SGCE: variants seen among roughly 807,000 people sequenced by gnomAD.
SGCE encodes sarcoglycan epsilon.
SGCE carries 26 observed loss-of-function variants against 57.8 expected under a neutral mutation model. The observed-to-expected ratio is 0.45, with a 90% CI of 0.33 to 0.62. SGCE has a LOEUF of 0.62. SGCE is among the 20% of genes least tolerant of loss of function. SGCE has a pLI of 0.02. For missense variants in SGCE, 468 were observed against 548.6 expected, an observed-to-expected ratio of 0.85 and a Z score of 1.47; for synonymous variants, 183 against 189.5, an observed-to-expected ratio of 0.97 and a Z score of 0.28.
Position 94,600,791 on chromosome 7 carries a change from C to T in SGCE, c.892G>A (p.Gly298Ser), listed in dbSNP as rs757835571. ...VIRGEGILPDGGEYKPPSDSL... is the reference protein window; with the variant it reads ...VIRGEGILPDSGEYKPPSDSL... ...TCAGAAGGGGGTTTGTATTCTCCAC[C>T]ATCAGGTAAAATCCCCTCTCCACGA... The change falls in exon 7 of 11, where the codon GGT (glycine) becomes AGT (serine). Residue 298 changes from glycine to serine, a missense_variant. Coordinates refer to ENST00000648936, the MANE Select transcript of SGCE (RefSeq NM_003919.3). The T allele has an allele frequency of 7.4e-6, 12 of 1,613,322 alleles. No homozygotes were observed. Among genetic ancestry groups the T allele is most frequent in the Middle Eastern group, 1.7e-4 (1 of 5,940 alleles).
At chr7:94,622,586 G>T (rs951019216) in intron 4 of SGCE, 1 of 150,556 alleles carries the variant, frequency 6.6e-6, no homozygotes, top group Non-Finnish European at 1.5e-5. Flanking sequence ...CCGAGATGGT[G>T]CCATTGCACT....
At chr7:94,655,322 C>A (rs769752849) in intron 1 of SGCE, among the ~76,000 whole-genome samples, 3 of 152,174 alleles carry the variant, frequency 2.0e-5, no homozygotes, top group Non-Finnish European at 4.4e-5. Flanking sequence ...GCACTCGGTA[C>A]GGCAGCATCT....
chr7:94,624,136 A>G lies in SGCE; in HGVS notation c.391-739T>C, dbSNP rs189624430. 1.3e-3 allele frequency: 497 copies of G among 395,634 alleles called. 2 individuals are homozygous for G. The highest frequency in any genetic ancestry group is 2.1e-4 in the Non-Finnish European group (47 of 225,014). 24.5% of individuals were successfully genotyped at this position (395,634 alleles called of 1,614,324 possible). The stretch of plus-strand genomic sequence containing the variant: ...TATTTAACTTTATAACAGATATTAA[A>G]TCATTCGGACACATCTGCAGTACCT... On this transcript the variant is annotated intron_variant, in intron 3 of 10. Coordinates refer to ENST00000648936, the MANE Select transcript of SGCE (RefSeq NM_003919.3).
Position 94,585,205 on chromosome 7 carries a change from A to C in SGCE, c.*294T>G. Reference sequence around the variant, plus strand: ...TAAATAGGAAGCAAATAGTTTACTGAAGTAAATTTCACCAGTCATTAGGCT... The same window carrying C: ...TAAATAGGAAGCAAATAGTTTACTGCAGTAAATTTCACCAGTCATTAGGCT... On this transcript the variant is annotated 3_prime_UTR_variant, in exon 11 of 11. Coordinates refer to ENST00000648936, the MANE Select transcript of SGCE (RefSeq NM_003919.3). 1 of 347,170 alleles carries C rather than the reference A, an allele frequency of 2.9e-6. No homozygotes were observed. The highest frequency in any genetic ancestry group is 5.2e-6 in the Non-Finnish European group (1 of 191,246). 21.5% of individuals were successfully genotyped at this position (347,170 alleles called of 1,614,324 possible).
chr7:94,586,172 C>G (rs1382204752), intron 10 of SGCE, among the ~76,000 whole-genome samples: 1 of 150,100 alleles, frequency 6.7e-6, no homozygotes. Context: ...GACGCAAACT[C>G]TTGTGCCTAA....
At chr7:94,641,159 G>A (rs1806328459) in intron 1 of SGCE, among the ~76,000 whole-genome samples, 1 of 152,174 alleles carries the variant, frequency 6.6e-6, no homozygotes, top group Non-Finnish European at 1.5e-5. Context: ...GAAGGAGAGT[G>A]TGATCAACAT....
chr7:94,612,417 C>T (rs1195377323), intron 5 of SGCE, among the ~76,000 whole-genome samples: 1 of 152,148 alleles, frequency 6.6e-6, no homozygotes, highest in Non-Finnish European at 1.5e-5. Context: ...GCAATAATCT[C>T]TAAAATATAA....
chr7:94,588,210 G>A (rs959582191), intron 10 of SGCE: 1 of 1,067,406 alleles, frequency 9.4e-7, no homozygotes, highest in African/African-American at 1.7e-5. Context: ...GTTGTCATTG[G>A]TCATGTTATA....
chr7:94,644,424 G>T (rs192348671), intron 1 of SGCE, among the ~76,000 whole-genome samples: 2 of 152,198 alleles, frequency 1.3e-5, no homozygotes, highest in South Asian at 4.1e-4. Flanking sequence ...TTTGCTGACT[G>T]GGGGAGGAGA....
intron 1 of SGCE, among the ~76,000 whole-genome samples, chr7:94,641,888 C>T (rs1806426337): frequency 6.6e-6 from 1 of 152,080 alleles, no homozygotes; most frequent in Non-Finnish European, 1.5e-5. Context: ...AATCAATCAT[C>T]CTACCTCAGC....
At chr7:94,635,251 G>T (rs1171175825) in intron 1 of SGCE, among the ~76,000 whole-genome samples, 1 of 152,120 alleles carries the variant, frequency 6.6e-6, no homozygotes, top group Non-Finnish European at 1.5e-5. Flanking sequence ...GAAATTAGTT[G>T]TTCAAGTAAT....
chr7:94,600,199 T>C (rs1404499415), intron 7 of SGCE: 7 of 187,494 alleles, frequency 3.7e-5, no homozygotes, highest in Non-Finnish European at 7.8e-5. Flanking sequence ...AGTTGGGTTT[T>C]AAAAATATAT....
At chr7:94,647,832 C>G (rs574833263) in intron 1 of SGCE, among the ~76,000 whole-genome samples, 4 of 152,276 alleles carry the variant, frequency 2.6e-5, no homozygotes, top group South Asian at 2.1e-4. Flanking sequence ...CTTGGAAGAG[C>G]CTTCCTTAAA....
chr7:94,606,163 C>A (rs933327435), intron 5 of SGCE, among the ~76,000 whole-genome samples: 1 of 152,026 alleles, frequency 6.6e-6, no homozygotes, highest in African/African-American at 2.4e-5. Flanking sequence ...GGTCTAAATA[C>A]CCCATTGAAA....
At chr7:94,624,304 C>T (rs1584670011) in intron 3 of SGCE, 1 of 397,462 alleles carries the variant, frequency 2.5e-6, no homozygotes, top group Non-Finnish European at 4.4e-6. Context: ...ATATCTTGTG[C>T]ATTTTAAAAC....
chr7:94,586,674 A>C (rs1274181114), intron 10 of SGCE: 2 of 195,882 alleles, frequency 1.0e-5, no homozygotes, highest in East Asian at 3.7e-4. Context: ...TAATTTTTGT[A>C]TTTTTTTAGT....
At chr7:94,614,128 A>C (rs1048465454) in intron 5 of SGCE, among the ~76,000 whole-genome samples, 5 of 151,388 alleles carry the variant, frequency 3.3e-5, no homozygotes, top group Non-Finnish European at 5.9e-5. Flanking sequence ...AAAAAAAAAA[A>C]AACACAGTAA....
At chr7:94,622,616 C>T (rs1802981956) in intron 4 of SGCE, 1 of 140,738 alleles carries the variant, frequency 7.1e-6, no homozygotes, top group African/African-American at 2.7e-5. Flanking sequence ...GTGACGAGAG[C>T]AAGACTCCAT....
At chr7:94,650,721 A>G (rs1036297246) in intron 1 of SGCE, among the ~76,000 whole-genome samples, 5 of 152,240 alleles carry the variant, frequency 3.3e-5, no homozygotes, top group Admixed American at 1.3e-4. Flanking sequence ...GAACAGAATA[A>G]ATAAAGTTGA....
Sources: gnomAD v4.1 joint callset for allele counts (sites outside exome capture counted in the v4.1 genomes callset) on GRCh38, gnomAD v4.1.1 for gene constraint, MANE v1.5 for transcripts, NCBI Gene and HGNC (gene_info 2026-07-23, HGNC 2026-07-21) for gene names.